Variants in FUT9 observed in about 807,000 individuals in gnomAD.
FUT9 encodes the protein fucosyltransferase 9.
Under a neutral mutation model 29.7 loss-of-function variants are expected in FUT9, and 15 were observed. The ratio of observed to expected loss-of-function variants is 0.51; its 90% CI spans 0.34 to 0.78. The LOEUF is 0.78. Ranked by LOEUF, FUT9 falls within the 30% of genes least tolerant of loss-of-function variation. The pLI is 0.01. For synonymous variants in FUT9, 169 were observed against 153.7 expected, an observed-to-expected ratio of 1.10 and a Z score of -0.74; for missense variants, 319 against 425.4, an observed-to-expected ratio of 0.75 and a Z score of 2.20.
chr6:96,050,214 C>T (rs189179214), intron 1 of FUT9, among the ~76,000 whole-genome samples: 8 of 151,942 alleles, frequency 5.3e-5, no homozygotes, highest in Admixed American at 2.6e-4. Flanking sequence ...AGTGTAGGAC[C>T]CTTCTGAGAG....
chr6:96,046,221 GCACA>G (rs139036869), intron 1 of FUT9, among the ~76,000 whole-genome samples: 6 of 148,084 alleles, frequency 4.1e-5, no homozygotes, highest in East Asian at 2.0e-4. Flanking sequence ...ACACAGATAT[GCACA>G]CACACACACA....
intron 1 of FUT9, among the ~76,000 whole-genome samples, chr6:96,052,887 A>G (rs1442361807): frequency 1.3e-5 from 2 of 152,192 alleles, no homozygotes; most frequent in Admixed American, 6.5e-5. Context: ...GAAAGCAAGT[A>G]AATATTTAAT....
intron 2 of FUT9, among the ~76,000 whole-genome samples, chr6:96,123,546 A>T (rs1011801188): frequency 6.6e-6 from 1 of 152,180 alleles, no homozygotes; most frequent in African/African-American, 2.4e-5. Flanking sequence ...CTTTGAAGTG[A>T]GTCTTTTTCT....
intron 1 of FUT9, among the ~76,000 whole-genome samples, chr6:96,105,018 T>C (rs1294115684): frequency 6.6e-6 from 1 of 152,190 alleles, no homozygotes; most frequent in Non-Finnish European, 1.5e-5. Context: ...CCGTGCTTAC[T>C]TAGAGTCAGA....
intron 2 of FUT9, among the ~76,000 whole-genome samples, chr6:96,173,811 T>C (rs201744773): frequency 6.6e-6 from 1 of 152,090 alleles, no homozygotes; most frequent in East Asian, 1.9e-4. Flanking sequence ...TCCTAAGATC[T>C]GCTGCTATCT....
intron 2 of FUT9, among the ~76,000 whole-genome samples, chr6:96,133,595 G>A (rs553282102): frequency 3.4e-4 from 52 of 151,968 alleles, no homozygotes; most frequent in African/African-American, 1.2e-3. Context: ...ACTACCCTCT[G>A]TCTCCTCAGG....
intron 1 of FUT9, among the ~76,000 whole-genome samples, chr6:96,053,694 G>A (rs142885059): frequency 1.3e-5 from 2 of 152,106 alleles, no homozygotes; most frequent in African/African-American, 4.8e-5. Context: ...GGGCAACAGA[G>A]CGAGACTCCA....
chr6:96,112,100 G>A (rs980802304), intron 1 of FUT9, among the ~76,000 whole-genome samples: 14 of 152,228 alleles, frequency 9.2e-5, no homozygotes, highest in South Asian at 4.1e-4. Context: ...AACAACATCC[G>A]GAAGCCATGT....
rs555866962 is a variant in FUT9 at position 96,208,112 on chromosome 6, A to T, written c.*3877A>T. The T allele has an allele frequency of 6.0e-6, 1 of 167,068 alleles. No homozygotes were observed. Among genetic ancestry groups the T allele is most frequent in the East Asian group, 1.9e-4 (1 of 5,192 alleles). The allele number at this position is 167,068 out of a possible 1,614,324, so 10.3% of individuals were successfully genotyped here. On this transcript the variant is annotated 3_prime_UTR_variant, in exon 3 of 3. Coordinates refer to ENST00000302103, the MANE Select transcript of FUT9 (RefSeq NM_006581.4). ...TTAGAAAGCTCAGCGCATTTGATGT[A>T]TAAAGCAACAGAATATTTAGGAATT...
chr6:96,151,310 A>G (rs1050197327), intron 2 of FUT9, among the ~76,000 whole-genome samples: 1 of 151,992 alleles, frequency 6.6e-6, no homozygotes, highest in Non-Finnish European at 1.5e-5. Flanking sequence ...GTATAATAGA[A>G]TTTTTTTTCC....
chr6:96,019,750 A>T (rs1257339169), intron 1 of FUT9, among the ~76,000 whole-genome samples: 2 of 152,020 alleles, frequency 1.3e-5, no homozygotes, highest in African/African-American at 4.8e-5. Context: ...CTGCAAATGG[A>T]ATGCTCGGCA....
At chr6:96,152,511 A>G (rs1031535943) in intron 2 of FUT9, among the ~76,000 whole-genome samples, 1 of 152,202 alleles carries the variant, frequency 6.6e-6, no homozygotes, top group African/African-American at 2.4e-5. Context: ...GTACACGGCA[A>G]CTGCTCAATA....
At chr6:96,069,169 G>T (rs1771010733) in intron 1 of FUT9, among the ~76,000 whole-genome samples, 1 of 152,044 alleles carries the variant, frequency 6.6e-6, no homozygotes, top group Non-Finnish European at 1.5e-5. Context: ...ACAAAAATTA[G>T]CTGGGCATGG....
At chr6:96,145,703 G>A (rs945368588) in intron 2 of FUT9, among the ~76,000 whole-genome samples, 4 of 152,142 alleles carry the variant, frequency 2.6e-5, no homozygotes, top group African/African-American at 7.2e-5. Context: ...CCAGACAGAT[G>A]TGCAAAGGCC....
At chr6:96,088,253 T>A (rs989331731) in intron 1 of FUT9, among the ~76,000 whole-genome samples, 2 of 151,912 alleles carry the variant, frequency 1.3e-5, no homozygotes, top group African/African-American at 2.4e-5. Flanking sequence ...ACATAAAAAA[T>A]ATAAATATAA....
chr6:96,101,995 T>G (rs1771594466), intron 1 of FUT9, among the ~76,000 whole-genome samples: 1 of 152,128 alleles, frequency 6.6e-6, no homozygotes. Flanking sequence ...ATATCACATA[T>G]GGATATGTAT....
intron 1 of FUT9, among the ~76,000 whole-genome samples, chr6:96,028,497 C>T (rs1259535167): frequency 6.6e-6 from 1 of 151,470 alleles, no homozygotes; most frequent in Non-Finnish European, 1.5e-5. Flanking sequence ...GACTCTTTTT[C>T]CTATTACATA....
At position 96,210,572 on chromosome 6, in the gene FUT9, C is replaced by A. The variant is rs1773919207; in HGVS notation, c.*6337C>A. 6.0e-6 allele frequency: 1 copy of A among 166,758 alleles called. No homozygotes were observed. Among genetic ancestry groups the A allele is most frequent in the African/African-American group, 2.4e-5 (1 of 41,374 alleles). 10.3% of individuals were successfully genotyped at this position (166,758 alleles called of 1,614,324 possible). A position where few individuals can be genotyped will look rare whatever the true frequency, so the allele number is the denominator to read the frequency against. ...ATCACCAGTTCTCGTCTTGGAGGAACTATTAGGAAAATAAAAGATTATATA... is the reference window on the plus strand; with the variant it reads ...ATCACCAGTTCTCGTCTTGGAGGAAATATTAGGAAAATAAAAGATTATATA... On this transcript the variant is annotated 3_prime_UTR_variant, in exon 3 of 3. Transcript: ENST00000302103.
chr6:96,199,161 T>C (rs1489461074), intron 2 of FUT9, among the ~76,000 whole-genome samples: 1 of 152,178 alleles, frequency 6.6e-6, no homozygotes, highest in African/African-American at 2.4e-5. Context: ...GCTATATGTT[T>C]ATTGCTATCT....
Sources: allele counts gnomAD v4.1 joint callset (sites outside exome capture counted in the v4.1 genomes callset), GRCh38; gene constraint gnomAD v4.1.1; transcripts MANE v1.5; gene names NCBI Gene and HGNC (gene_info 2026-07-23, HGNC 2026-07-21).